CSMD1: variants seen among roughly 807,000 people sequenced by gnomAD.
The protein encoded by CSMD1 is CUB and Sushi multiple domains 1.
CSMD1 carries 213 observed loss-of-function variants against 417.5 expected under a neutral mutation model. That is an observed-to-expected ratio of 0.51 (90% CI 0.46 to 0.57). The LOEUF is 0.57. Ranked by LOEUF, CSMD1 falls within the 20% of genes least tolerant of loss-of-function variation. CSMD1 has a pLI of 0.00. For missense variants in CSMD1, 6,923 were observed against 4,529.7 expected (o/e 1.53, Z -15.17); for synonymous variants, 2,862 against 1,736.8 (o/e 1.65, Z -16.11).
intron 15 of CSMD1, among the ~76,000 whole-genome samples, chr8:3,402,074 AT>A (rs1812072758): frequency 6.6e-6 from 1 of 151,488 alleles, no homozygotes; most frequent in Non-Finnish European, 1.5e-5. Context: ...CTATGGCTTT[AT>A]TTTTATTAGA....
chr8:4,954,691 A>G (rs1808972539), intron 1 of CSMD1, among the ~76,000 whole-genome samples: 1 of 152,194 alleles, frequency 6.6e-6, no homozygotes, highest in South Asian at 2.1e-4. Context: ...GTTCCTTATA[A>G]GCTATCATAA....
chr8:4,415,423 C>G (rs1484507625), intron 3 of CSMD1, among the ~76,000 whole-genome samples: 1 of 152,024 alleles, frequency 6.6e-6, no homozygotes, highest in Non-Finnish European at 1.5e-5. Context: ...AGGCATTTAG[C>G]GCACGTGCTT....
chr8:4,543,928 C>T (rs181781012), intron 2 of CSMD1, among the ~76,000 whole-genome samples: 10 of 152,226 alleles, frequency 6.6e-5, no homozygotes, highest in Admixed American at 6.5e-4. Context: ...ATCTGTTTAT[C>T]ATCTTTGGTG....
chr8:4,137,887 T>C (rs1290876888), intron 3 of CSMD1, among the ~76,000 whole-genome samples: 1 of 151,800 alleles, frequency 6.6e-6, no homozygotes, highest in Non-Finnish European at 1.5e-5. Flanking sequence ...TTAATTTATT[T>C]ATTTACTTGA....
chr8:4,110,869 T>G (rs760202828), intron 3 of CSMD1, among the ~76,000 whole-genome samples: 7 of 152,072 alleles, frequency 4.6e-5, no homozygotes, highest in Non-Finnish European at 1.0e-4. Context: ...CCTTGAAGAG[T>G]ACTGAAATAT....
At chr8:4,965,895 A>C (rs1809825338) in intron 1 of CSMD1, among the ~76,000 whole-genome samples, 1 of 152,184 alleles carries the variant, frequency 6.6e-6, no homozygotes, top group East Asian at 1.9e-4. Flanking sequence ...ATAAGTAGAG[A>C]AAGATAACTT....
intron 2 of CSMD1, among the ~76,000 whole-genome samples, chr8:4,515,324 A>G (rs928425315): frequency 1.3e-5 from 2 of 152,190 alleles, no homozygotes; most frequent in Admixed American, 1.3e-4. Flanking sequence ...ACATGTAAAT[A>G]AACAATAGTT....
chr8:3,952,019 G>T (rs2129884395), intron 5 of CSMD1, among the ~76,000 whole-genome samples: 1 of 152,256 alleles, frequency 6.6e-6, no homozygotes, highest in South Asian at 2.1e-4. Context: ...TTATGTCCAA[G>T]ATGGATGAAA....
At chr8:4,086,789 T>G (rs1800444273) in intron 3 of CSMD1, among the ~76,000 whole-genome samples, 1 of 152,222 alleles carries the variant, frequency 6.6e-6, no homozygotes, top group South Asian at 2.1e-4. Context: ...GTGAATGAAC[T>G]TGTGAAACAA....
intron 5 of CSMD1, among the ~76,000 whole-genome samples, chr8:3,919,319 G>T (rs1809058203): frequency 6.6e-6 from 1 of 151,828 alleles, no homozygotes; most frequent in South Asian, 2.1e-4. Context: ...ATTTTGTGTG[G>T]TCTAACACGT....
intron 3 of CSMD1, among the ~76,000 whole-genome samples, chr8:4,118,261 G>T (rs1563146207): frequency 6.6e-6 from 1 of 152,088 alleles, no homozygotes; most frequent in Non-Finnish European, 1.5e-5. Flanking sequence ...TCTGAAACAT[G>T]CCCTTAAGAA....
chr8:4,987,293 G>A (rs1036915890), intron 1 of CSMD1, among the ~76,000 whole-genome samples: 1 of 152,180 alleles, frequency 6.6e-6, no homozygotes, highest in Non-Finnish European at 1.5e-5. Context: ...TTTACATAGA[G>A]TGTTCAAAAA....
At chr8:4,290,975 C>G (rs111686080) in intron 3 of CSMD1, among the ~76,000 whole-genome samples, 3,648 of 152,226 alleles carry the variant, frequency 0.024, 151 homozygotes, top group African/African-American at 0.084. Context: ...AAAATTTCAT[C>G]TCCCTAAATT....
At chr8:4,460,190 G>A (rs1201027997) in intron 2 of CSMD1, among the ~76,000 whole-genome samples, 2 of 152,040 alleles carry the variant, frequency 1.3e-5, no homozygotes, top group Non-Finnish European at 2.9e-5. Context: ...AAGAAAATTA[G>A]AATTTGAGAA....
At chr8:4,456,651 G>C (rs776819683) in intron 2 of CSMD1, among the ~76,000 whole-genome samples, 9 of 152,124 alleles carry the variant, frequency 5.9e-5, no homozygotes, top group African/African-American at 1.2e-4. Context: ...ATGGCAGAGA[G>C]ACCCTCCAAC....
At chr8:4,064,737 CG>C (rs1563075532) in intron 3 of CSMD1, among the ~76,000 whole-genome samples, 1 of 152,162 alleles carries the variant, frequency 6.6e-6, no homozygotes, top group East Asian at 1.9e-4. Context: ...CCTTCACAAC[CG>C]AGATCTCTCA....
At chr8:3,717,011 A>C (rs1343404212) in intron 6 of CSMD1, among the ~76,000 whole-genome samples, 1 of 152,204 alleles carries the variant, frequency 6.6e-6, no homozygotes, top group Non-Finnish European at 1.5e-5. Flanking sequence ...GAACTTAAAA[A>C]ATAAAGGTCA....
chr8:4,399,966 T>G (rs1804537026), intron 3 of CSMD1, among the ~76,000 whole-genome samples: 1 of 152,154 alleles, frequency 6.6e-6, no homozygotes, highest in African/African-American at 2.4e-5. Context: ...GACCAATGTA[T>G]TAGCACCAGG....
At chr8:3,969,914 C>T (rs1812963145) in intron 5 of CSMD1, among the ~76,000 whole-genome samples, 1 of 151,932 alleles carries the variant, frequency 6.6e-6, no homozygotes, top group African/African-American at 2.4e-5. Context: ...ACAAACAAAC[C>T]AAAAAAATCC....
Sources: allele counts gnomAD v4.1 joint callset (sites outside exome capture counted in the v4.1 genomes callset), GRCh38; gene constraint gnomAD v4.1.1; transcripts MANE v1.5; gene names NCBI Gene and HGNC (gene_info 2026-07-23, HGNC 2026-07-21).